MEGF11: variants seen among roughly 807,000 people sequenced by gnomAD.
MEGF11 encodes multiple EGF like domains 11.
In MEGF11, 126 loss-of-function variants were observed where a neutral mutation model predicts 146.6. The ratio of observed to expected loss-of-function variants is 0.86; its 90% CI spans 0.74 to 1.00. MEGF11 has a LOEUF of 1.00. Among genes scored for constraint, MEGF11 ranks in the 50% least tolerant of loss-of-function variants. The pLI, the probability that MEGF11 is intolerant of heterozygous loss-of-function variation, is 0.00. For missense variants in MEGF11, 1,509 were observed against 1,521.2 expected, an observed-to-expected ratio of 0.99 and a Z score of 0.13; for synonymous variants, 532 against 583.4, an observed-to-expected ratio of 0.91 and a Z score of 1.27.
At chr15:65,987,735 G>T (rs1223984147) in intron 5 of MEGF11, among the ~76,000 whole-genome samples, 1 of 151,960 alleles carries the variant, frequency 6.6e-6, no homozygotes, top group Middle Eastern at 3.2e-3. Flanking sequence ...TTTTTTGACA[G>T]AGTCTTACTC....
chr15:65,912,140 G>A lies in MEGF11; in HGVS notation c.2771C>T (p.Ala924Val), dbSNP rs1003022180. ...CTGGCTGGTGGCAGGCCCCCCACAT[G>A]CCAGTGCGTGGTAGCTGGAATTGGA... Reference protein sequence around the residue: ...CFSNSSYHALACGGPATSQAS... With the variant: ...CFSNSSYHALVCGGPATSQAS... Residue 924 changes from alanine (A) to valine (V), a missense_variant, in exon 21 of 26, where the codon GCA becomes GTA. Physicochemically the swap from Ala to Val is moderately conservative, Grantham distance 64. Transcript: ENST00000395614. 6.5e-6 allele frequency: 8 copies of A among 1,232,110 alleles called. No individual in the cohort carries two copies. The African/African-American group carries it at 1.2e-4, about 19-fold the overall frequency. 76.3% of individuals were successfully genotyped at this position (1,232,110 alleles called of 1,614,324 possible). A position where few individuals can be genotyped will look rare whatever the true frequency, so the allele number is the denominator to read the frequency against.
At chr15:66,238,830 G>A (rs904827856) in intron 1 of MEGF11, among the ~76,000 whole-genome samples, 1 of 121,646 alleles carries the variant, frequency 8.2e-6, no homozygotes, top group Non-Finnish European at 1.6e-5. Flanking sequence ...CTCTTCACCT[G>A]TCCTGCTTTC....
chr15:66,115,368 C>T (rs977681494), intron 4 of MEGF11, among the ~76,000 whole-genome samples: 8 of 152,210 alleles, frequency 5.3e-5, no homozygotes, highest in African/African-American at 1.7e-4. Context: ...CTCTCACTAC[C>T]ATTTCTCCCT....
intron 1 of MEGF11, among the ~76,000 whole-genome samples, chr15:66,141,098 C>T (rs1320502903): frequency 6.6e-6 from 1 of 152,076 alleles, no homozygotes; most frequent in Non-Finnish European, 1.5e-5. Context: ...TCCAGTAACT[C>T]CATCAAGTAG....
In MEGF11 at chr15:66,037,786, A is replaced by C. The variant is rs2083782873; in HGVS notation, c.395-55298T>G. Reference sequence around the variant, plus strand: ...TTCCTCCTCAGATTAGAGGCTCTCCAGCAGTAGGAACAATGTCCTCGCCAG... The same window carrying C: ...TTCCTCCTCAGATTAGAGGCTCTCCCGCAGTAGGAACAATGTCCTCGCCAG... On this transcript the variant is annotated intron_variant, in intron 5 of 25. Transcript: ENST00000395614. Among the ~76,000 whole-genome samples the C allele has an allele frequency of 3.3e-5, 5 of 152,338 alleles. No individual in the cohort carries two copies. The South Asian group carries it at 8.3e-4, about 25-fold the overall frequency.
chr15:66,012,191 T>G (rs2082730286), intron 5 of MEGF11, among the ~76,000 whole-genome samples: 1 of 152,150 alleles, frequency 6.6e-6, no homozygotes, highest in African/African-American at 2.4e-5. Context: ...AAACCTGATC[T>G]CTACCAAAAA....
In MEGF11 at chr15:66,155,739, C is replaced by T. The variant is rs957002539; in HGVS notation, c.-8-27328G>A. 9.8e-5 allele frequency among the ~76,000 whole-genome samples: 15 copies of T among 152,328 alleles called. 1 individual carries two copies. Among genetic ancestry groups the T allele is most frequent in the Admixed American group, 7.2e-4 (11 of 15,310 alleles). On this transcript the variant is annotated intron_variant, in intron 1 of 25. Coordinates refer to ENST00000395614, the MANE Select transcript of MEGF11 (RefSeq NM_001385028.1). ...AGCCTTGATTTTTCTCTTTATCTCA[C>T]CTCCCTCATCCCAACCCTCAGGAAA...
chr15:66,155,280 G>A (rs1471498226), intron 1 of MEGF11, among the ~76,000 whole-genome samples: 2 of 152,210 alleles, frequency 1.3e-5, no homozygotes, highest in Non-Finnish European at 2.9e-5. Flanking sequence ...TATGGGGTAA[G>A]GGCTCAGAGG....
rs752887236 is a variant in MEGF11, at chr15:65,916,946, G to A, written c.2097C>T (p.Pro699=). 12 of 1,516,446 alleles carry A rather than the reference G, an allele frequency of 7.9e-6. No homozygotes were observed. The highest frequency in any genetic ancestry group is 2.8e-5 in the African/African-American group (2 of 71,840). The allele number at this position is 1,516,446 out of a possible 1,614,324, so 93.9% of individuals were successfully genotyped here. The part of the protein sequence containing the change: ...IGKDCSQACP[P]GFWGPACFHA... ...GGAAGCAGGCGGGGCCCCAGAACCC[G>A]GGTGGGCAAGCTGGGATGTCGGTGA... The change falls in exon 17 of 26, where the codon CCC becomes CCT. Residue 699 remains proline (P), a synonymous_variant. Coordinates refer to ENST00000395614, the MANE Select transcript of MEGF11 (RefSeq NM_001385028.1).
intron 8 of MEGF11, among the ~76,000 whole-genome samples, chr15:65,969,464 G>A (rs2081229536): frequency 6.6e-6 from 1 of 152,146 alleles, no homozygotes; most frequent in Non-Finnish European, 1.5e-5. Flanking sequence ...TTCTATGCTG[G>A]GGAACAGTGT....
intron 4 of MEGF11, among the ~76,000 whole-genome samples, chr15:66,118,135 A>C (rs1187657124): frequency 1.3e-5 from 2 of 152,168 alleles, no homozygotes; most frequent in Non-Finnish European, 2.9e-5. Flanking sequence ...CTTCTCAGTC[A>C]TTAAACGAGG....
At chr15:65,996,520 C>G (rs2082205339) in intron 5 of MEGF11, among the ~76,000 whole-genome samples, 1 of 149,380 alleles carries the variant, frequency 6.7e-6, no homozygotes, top group African/African-American at 2.5e-5. Flanking sequence ...GAGTCTCACT[C>G]TGTCGCCCAG....
chr15:66,095,205 T>A (rs1005168422), intron 4 of MEGF11, among the ~76,000 whole-genome samples: 1 of 152,220 alleles, frequency 6.6e-6, no homozygotes, highest in Non-Finnish European at 1.5e-5. Context: ...ACCACTCTGG[T>A]GCTGAGGCTT....
chr15:66,152,533 C>T (rs1264556327), intron 1 of MEGF11, among the ~76,000 whole-genome samples: 2 of 152,194 alleles, frequency 1.3e-5, no homozygotes, highest in Non-Finnish European at 2.9e-5. Flanking sequence ...ATCTGAAAGG[C>T]CTTGCCAGGG....
chr15:65,999,036 G>A (rs1401936669), intron 5 of MEGF11, among the ~76,000 whole-genome samples: 2 of 147,552 alleles, frequency 1.4e-5, no homozygotes, highest in Non-Finnish European at 3.0e-5. Flanking sequence ...TCCTCCATGT[G>A]GGTGTCACTT....
At chr15:66,059,903 AAAC>A (rs998923182) in intron 5 of MEGF11, among the ~76,000 whole-genome samples, 2 of 152,182 alleles carry the variant, frequency 1.3e-5, no homozygotes, top group African/African-American at 4.8e-5. Flanking sequence ...CTTGCTCGAA[AAAC>A]AACCACACCT....
chr15:65,898,904 C>T lies in MEGF11; in HGVS notation c.3086G>A (p.Ser1029Asn). 1 of 1,613,910 alleles carries T rather than the reference C, an allele frequency of 6.2e-7. No individual in the cohort carries two copies. Among genetic ancestry groups the T allele is most frequent in the Non-Finnish European group, 8.5e-7 (1 of 1,179,846 alleles). The change falls in exon 25 of 26, where the codon AGT (serine) becomes AAT (asparagine). Residue 1029 changes from serine (S) to asparagine (N), a missense_variant. Physicochemically the swap from Ser to Asn is conservative, Grantham distance 46. Coordinates refer to ENST00000395614, the MANE Select transcript of MEGF11 (RefSeq NM_001385028.1). ...TTCACTGCTATTCAAGGAACAAGTA[C>T]TAGAACTGCACACGGATTCTTTCAT... ...DYMKESVCSSSTCSLNSSENP... is the reference protein window; with the variant it reads ...DYMKESVCSSNTCSLNSSENP...
chr15:65,946,883 CT>C (rs1567170720), intron 10 of MEGF11, among the ~76,000 whole-genome samples: 2 of 152,268 alleles, frequency 1.3e-5, no homozygotes, highest in East Asian at 3.9e-4. Context: ...CTTCCACTCC[CT>C]CCCTACACCC....
At chr15:66,195,406 A>AG (rs1336512749) in intron 1 of MEGF11, among the ~76,000 whole-genome samples, 3 of 152,218 alleles carry the variant, frequency 2.0e-5, no homozygotes, top group Middle Eastern at 3.2e-3. Context: ...GGGTCACTGA[A>AG]GGTCTCCCTA....
Sources: gnomAD v4.1 joint callset for allele counts (sites outside exome capture counted in the v4.1 genomes callset) on GRCh38, gnomAD v4.1.1 for gene constraint, MANE v1.5 for transcripts, NCBI Gene and HGNC (gene_info 2026-07-23, HGNC 2026-07-21) for gene names.